Variants in IGDCC4 observed in about 807,000 individuals in gnomAD.
IGDCC4 encodes likely ortholog of mouse neighbor of Punc E11.
IGDCC4 carries 72 observed loss-of-function variants against 116.6 expected under a neutral mutation model. That is an observed-to-expected ratio of 0.62 (90% CI 0.51 to 0.75). The LOEUF (loss-of-function observed/expected upper bound fraction) is 0.75. Among genes scored for constraint, IGDCC4 ranks in the 30% least tolerant of loss-of-function variants. IGDCC4 has a pLI of 0.00. For synonymous variants in IGDCC4, 709 were observed against 719.9 expected (o/e 0.98, Z 0.24); for missense variants, 1,501 against 1,662.4 (o/e 0.90, Z 1.69).
intron 3 of IGDCC4, among the ~76,000 whole-genome samples, chr15:65,408,885 G>C (rs1005564846): frequency 1.4e-5 from 2 of 146,770 alleles, no homozygotes; most frequent in South Asian, 4.4e-4. Context: ...TGTCACCCAG[G>C]CTGGCTGGAA....
At chr15:65,414,353 C>G (rs1220770240) in intron 1 of IGDCC4, among the ~76,000 whole-genome samples, 1 of 152,230 alleles carries the variant, frequency 6.6e-6, no homozygotes, top group African/African-American at 2.4e-5. Flanking sequence ...CAGGGAGAAG[C>G]AGCCCCTGCC....
chr15:65,421,985 C>A (rs1033781748), intron 1 of IGDCC4, among the ~76,000 whole-genome samples: 1 of 152,156 alleles, frequency 6.6e-6, no homozygotes, highest in Non-Finnish European at 1.5e-5. Context: ...CTGGATGAGG[C>A]CCTGCTGACC....
At chr15:65,416,398 A>G (rs1192145568) in intron 1 of IGDCC4, among the ~76,000 whole-genome samples, 2 of 152,014 alleles carry the variant, frequency 1.3e-5, no homozygotes, top group African/African-American at 4.8e-5. Flanking sequence ...CGGCCTTCCA[A>G]AGTGCTGGGA....
In IGDCC4 at chr15:65,384,030, G is replaced by A. The variant is rs745941916; in HGVS notation, c.3732C>T (p.Ser1244=). Residue 1244 remains serine (S), a synonymous_variant, in exon 20 of 20, where the codon TCC becomes TCT. Coordinates refer to ENST00000352385, the MANE Select transcript of IGDCC4 (RefSeq NM_020962.3). The surrounding 1 kb of genome is among the most constrained non-coding windows in gnomAD (Gnocchi z 4.9). The part of the protein sequence containing the change: ...PLGASPGLPR[S]PVSSSA ...AGAGCTAGGCAGAGGAGGAGACCGG[G>A]GATCTGGGCAGGCCTGGGCTGGCTC... 1.3e-4 allele frequency: 207 copies of A among 1,595,686 alleles called. 5 individuals are homozygous for A. The Middle Eastern group carries it at 2.7e-3, about 21-fold the overall frequency.
Position 65,400,931 on chromosome 15 carries a change from G to T in IGDCC4, c.716C>A (p.Thr239Asn), listed in dbSNP as rs759405884. The change falls in exon 5 of 20, where the codon ACC (threonine) becomes AAC (asparagine). Residue 239 changes from threonine (T) to asparagine (N), a missense_variant. By Grantham distance (65) the Thr-to-Asn change is moderately conservative. Transcript: ENST00000352385. ...SVAHRGSLAS[T>N]RGQDVVIVAA... Reference sequence around the variant, plus strand: ...CACAATGACCACGTCCTGCCCCCTGGTGGACGCCAGGGACCCTGGCGAGAA... The same window carrying T: ...CACAATGACCACGTCCTGCCCCCTGTTGGACGCCAGGGACCCTGGCGAGAA... 58 of 1,614,024 alleles carry T rather than the reference G, an allele frequency of 3.6e-5. No individual in the cohort carries two copies. Among genetic ancestry groups the T allele is most frequent in the Non-Finnish European group, 4.6e-5 (54 of 1,180,026 alleles).
chr15:65,396,681 C>T (rs545737826), intron 6 of IGDCC4, among the ~76,000 whole-genome samples, 153 bp downstream of exon 6: 3 of 152,294 alleles, frequency 2.0e-5, no homozygotes, highest in South Asian at 4.1e-4. Context: ...CCCCATCCCT[C>T]GTCCCACCTC....
Position 65,382,181 on chromosome 15 carries a change from G to A in IGDCC4, c.*1828C>T, listed in dbSNP as rs551366641. 1.1e-3 allele frequency: 167 copies of A among 152,442 alleles called. No individual in the cohort carries two copies. Among genetic ancestry groups the A allele is most frequent in the African/African-American group, 4.0e-3 (165 of 41,464 alleles). The allele number at this position is 152,442 out of a possible 1,614,324, so 9.4% of individuals were successfully genotyped here. ...AACATACACAGTGGTGTTAGCCACAGCAGCGCTGAATGCTACAGAAATACT... is the reference window on the plus strand; with the variant it reads ...AACATACACAGTGGTGTTAGCCACAACAGCGCTGAATGCTACAGAAATACT... On this transcript the variant is annotated 3_prime_UTR_variant, in exon 20 of 20. Coordinates refer to ENST00000352385, the MANE Select transcript of IGDCC4 (RefSeq NM_020962.3).
chr15:65,393,785 C>CT lies in IGDCC4; in HGVS notation c.1715-255dup, dbSNP rs1299349396. ...GGAGAATGATGGCAGGCTTTCCCCA[C>CT]TTCCCCAGGAGCTGTCAATGACCAT... On this transcript the variant is annotated intron_variant, in intron 9 of 19. Transcript: ENST00000352385. The surrounding 1 kb of genome is among the most constrained non-coding windows in gnomAD (Gnocchi z 4.6). Among the ~76,000 whole-genome samples, 1 of 152,154 alleles carries CT rather than the reference C, an allele frequency of 6.6e-6. No individual in the cohort carries two copies. Among genetic ancestry groups the CT allele is most frequent in the Non-Finnish European group, 1.5e-5 (1 of 68,024 alleles).
At chr15:65,411,811 G>A (rs1051761824) in intron 1 of IGDCC4, among the ~76,000 whole-genome samples, 2 of 152,232 alleles carry the variant, frequency 1.3e-5, no homozygotes, top group Non-Finnish European at 2.9e-5. Context: ...GTGGATTAAT[G>A]ATTGTCAGTG....
At chr15:65,392,737 G>T (rs1430699842) in intron 10 of IGDCC4, among the ~76,000 whole-genome samples, 1 of 152,198 alleles carries the variant, frequency 6.6e-6, no homozygotes, top group East Asian at 1.9e-4. Context: ...GGCAGTGGGG[G>T]TGGTGGTTGC....
At chr15:65,385,399 GTT>G in intron 18 of IGDCC4, 1 of 541,774 alleles carries the variant, frequency 1.8e-6, no homozygotes, top group Non-Finnish European at 3.3e-6. Context: ...ACGGGTCGGA[GTT>G]GGGTGGGATG....
At chr15:65,385,631 G>A in intron 18 of IGDCC4, 200 bp downstream of exon 18, 2 of 654,952 alleles carry the variant, frequency 3.1e-6, no homozygotes, top group South Asian at 3.5e-5. Flanking sequence ...TGAGAACCAA[G>A]CTGACCTATT....
chr15:65,396,333 C>T, intron 6 of IGDCC4, 170 bp from the exon 7 acceptor site: 2 of 768,580 alleles, frequency 2.6e-6, no homozygotes, highest in Non-Finnish European at 4.4e-6. Context: ...CGCAGACCTA[C>T]CCTTTCTTCT....
Position 65,393,573 on chromosome 15 carries a change from G to A in IGDCC4, c.1715-42C>T, listed in dbSNP as rs757225132. 14 of 1,552,524 alleles carry A rather than the reference G, an allele frequency of 9.0e-6. No homozygotes were observed. The highest frequency in any genetic ancestry group is 5.4e-5 in the Admixed American group (3 of 55,270). ...GGTGGGCTGCTGGGTAGCCACCTGA[G>A]GAACAGGATCCTAAACCCCCCTACA... On this transcript the variant is annotated intron_variant, in intron 9 of 19. Transcript: ENST00000352385. This position sits in a 1 kb window ranked among gnomAD's most constrained non-coding sequence, Gnocchi z 4.6.
intron 1 of IGDCC4, among the ~76,000 whole-genome samples, chr15:65,417,706 C>T (rs2063157310): frequency 6.6e-6 from 1 of 152,194 alleles, no homozygotes; most frequent in African/African-American, 2.4e-5. Context: ...AGTGATTCTC[C>T]TGCTTCAGCC....
chr15:65,421,431 A>C (rs901313986), intron 1 of IGDCC4, among the ~76,000 whole-genome samples: 1 of 152,166 alleles, frequency 6.6e-6, no homozygotes, highest in Admixed American at 6.5e-5. Context: ...CCTCTGGCCC[A>C]GCAGCCGAGA....
At chr15:65,396,217 C>T (rs943172579) in intron 6 of IGDCC4, 54 bp from the exon 7 acceptor site, 1 of 963,786 alleles carries the variant, frequency 1.0e-6, no homozygotes, top group African/African-American at 2.5e-5. Flanking sequence ...AAGGTCTCTG[C>T]CCCCCCCCCA....
chr15:65,408,319 C>A (rs984278225), intron 3 of IGDCC4, among the ~76,000 whole-genome samples: 2 of 152,138 alleles, frequency 1.3e-5, no homozygotes, highest in Non-Finnish European at 2.9e-5. Context: ...TAGGCTCTCG[C>A]GTGGTTCTCT....
intron 3 of IGDCC4, among the ~76,000 whole-genome samples, chr15:65,408,838 C>CTTTTTTT (rs397702487): frequency 8.4e-6 from 1 of 118,646 alleles, no homozygotes; most frequent in Non-Finnish European, 1.7e-5. Context: ...ATGTCTCTCT[C>CTTTTTTT]TTTTTTTTTT....
Sources: gnomAD v4.1 joint callset for allele counts (sites outside exome capture counted in the v4.1 genomes callset) on GRCh38, gnomAD v4.1.1 for gene constraint, Gnocchi (gnomAD v3.1) non-coding constraint, MANE v1.5 for transcripts, NCBI Gene and HGNC (gene_info 2026-07-23, HGNC 2026-07-21) for gene names.